The following CCDC7 variants were observed in gnomAD, a reference collection of about 807,000 sequenced individuals.
CCDC7 encodes the protein coiled-coil domain-containing protein 7.
A neutral mutation model predicts 196.9 loss-of-function variants in CCDC7; 183 were observed. That is an observed-to-expected ratio of 0.93 (90% CI 0.82 to 1.05). The LOEUF (loss-of-function observed/expected upper bound fraction) is 1.05. Among genes scored for constraint, CCDC7 ranks in the 50% least tolerant of loss-of-function variants. The pLI is 0.00. For missense variants in CCDC7, 1,540 were observed against 1,482.2 expected, an observed-to-expected ratio of 1.04 and a Z score of -0.64; for synonymous variants, 525 against 484.6, an observed-to-expected ratio of 1.08 and a Z score of -1.10.
chr10:32,840,870 A>G (rs1478405298), intron 33 of CCDC7, among the ~76,000 whole-genome samples: 1 of 152,070 alleles, frequency 6.6e-6, no homozygotes, highest in African/African-American at 2.4e-5. Flanking sequence ...AGTAAATGTG[A>G]TACACCACAT....
chr10:32,582,946 T>A, intron 16 of CCDC7, 88 bp from the exon 18 acceptor site: 1 of 748,502 alleles, frequency 1.3e-6, no homozygotes, highest in Non-Finnish European at 1.8e-6. Flanking sequence ...ACTTATTTAA[T>A]ATCCTTATAT....
At chr10:32,732,124 A>G (rs567383749) in intron 28 of CCDC7, among the ~76,000 whole-genome samples, 11 of 152,228 alleles carry the variant, frequency 7.2e-5, no homozygotes, top group Non-Finnish European at 1.6e-4. Context: ...GAGACTTCAC[A>G]GTAAAGTTTT....
rs564149140 is a variant in CCDC7 at position 32,602,517 on chromosome 10, C to A, written c.1801+18213C>A. Among the ~76,000 whole-genome samples the A allele has an allele frequency of 2.0e-5, 3 of 152,294 alleles. No individual in the cohort carries two copies. The East Asian group carries it at 5.8e-4, about 29-fold the overall frequency. On this transcript the variant is annotated intron_variant, in intron 18 of 41. Coordinates refer to ENST00000639629, the Ensembl canonical transcript of CCDC7. Reference sequence around the variant, plus strand: ...TGGAGCTTTCTATTCCACCATTTTTCTGACATCACTATGCCTATTAATATT... The same window carrying A: ...TGGAGCTTTCTATTCCACCATTTTTATGACATCACTATGCCTATTAATATT...
chr10:32,450,777 A>G (rs1238887192), upstream of CCDC7, among the ~76,000 whole-genome samples: 1 of 152,150 alleles, frequency 6.6e-6, no homozygotes, highest in Non-Finnish European at 1.5e-5. Flanking sequence ...AAGGACATAT[A>G]TTAGCTCAAA....
intron 8 of CCDC7, among the ~76,000 whole-genome samples, chr10:32,483,363 TTG>T (rs1184723940): frequency 6.6e-6 from 1 of 152,154 alleles, no homozygotes; most frequent in Non-Finnish European, 1.5e-5. Flanking sequence ...TCTTCTAAAT[TTG>T]TTTGAGTTCA....
chr10:32,678,834 T>A (rs2075418088), intron 21 of CCDC7, among the ~76,000 whole-genome samples: 1 of 152,210 alleles, frequency 6.6e-6, no homozygotes, highest in East Asian at 1.9e-4. Flanking sequence ...TTTGCCTTGT[T>A]TCTGTGTTCC....
At chr10:32,449,637 TTAGGGAAAG>T (rs1399639271), upstream of CCDC7, among the ~76,000 whole-genome samples, 2 of 152,154 alleles carry the variant, frequency 1.3e-5, no homozygotes, top group Non-Finnish European at 2.9e-5. Context: ...CTCCTGGAAG[TTAGGGAAAG>T]TATGTGGGTG....
rs948588005 is a variant in CCDC7 at position 32,500,336 on chromosome 10, G to A, written c.872+8339G>A. On this transcript the variant is annotated intron_variant, in intron 9 of 41. Transcript: ENST00000639629. ...GGGCTCCTCACTTCTCGGACGGGGC[G>A]GCCGGTCAGAGACGCTCCTCACCTC... is the stretch of plus-strand genomic sequence containing the variant. Among the ~76,000 whole-genome samples, 5 of 150,778 alleles carry A rather than the reference G, an allele frequency of 3.3e-5. No homozygotes were observed. The East Asian group carries it at 6.0e-4, about 18-fold the overall frequency.
At chr10:32,837,324 A>G (rs975261537) in intron 33 of CCDC7, among the ~76,000 whole-genome samples, 1 of 152,198 alleles carries the variant, frequency 6.6e-6, no homozygotes, top group Non-Finnish European at 1.5e-5. Flanking sequence ...ACATGAAAAA[A>G]TGCTCATCAT....
chr10:32,591,490 C>A (rs936713221), intron 18 of CCDC7, among the ~76,000 whole-genome samples: 1 of 149,724 alleles, frequency 6.7e-6, no homozygotes, highest in African/African-American at 2.4e-5. Context: ...TGTTAGTTTC[C>A]TTTTTGCTTG....
chr10:32,849,911 TTCTG>T (rs2093479057), intron 39 of CCDC7, among the ~76,000 whole-genome samples: 1 of 152,022 alleles, frequency 6.6e-6, no homozygotes. Context: ...GTGTCCCTGA[TTCTG>T]CAGGGGGGAA....
chr10:32,486,673 T>G (rs996097727), intron 8 of CCDC7, among the ~76,000 whole-genome samples: 2 of 86,610 alleles, frequency 2.3e-5, no homozygotes, highest in Non-Finnish European at 4.7e-5. Flanking sequence ...AGGAGCTCTT[T>G]TAGGGCAGGC....
intron 40 of CCDC7, among the ~76,000 whole-genome samples, chr10:32,853,775 T>C (rs960585562): frequency 2.6e-5 from 4 of 152,204 alleles, no homozygotes; most frequent in African/African-American, 7.2e-5. Flanking sequence ...GATGAAAACT[T>C]TATCTAAAAA....
chr10:32,602,928 C>A (rs1392422638), intron 18 of CCDC7, among the ~76,000 whole-genome samples: 2 of 152,084 alleles, frequency 1.3e-5, no homozygotes, highest in Non-Finnish European at 2.9e-5. Context: ...ATATTCATCA[C>A]CTCAAACATT....
chr10:32,485,989 G>A (rs1439506180), intron 8 of CCDC7, among the ~76,000 whole-genome samples: 1 of 152,210 alleles, frequency 6.6e-6, no homozygotes, highest in Non-Finnish European at 1.5e-5. Flanking sequence ...TTGGGGTGGA[G>A]AGTTCTGTAG....
intron 36 of CCDC7, 97 bp downstream of exon 37, chr10:32,846,056 C>A: frequency 1.1e-6 from 1 of 875,912 alleles, no homozygotes; most frequent in South Asian, 1.5e-5. Context: ...GTACCTGTAT[C>A]ATAGTACTTT....
chr10:32,734,481 T>C (rs1184780098), intron 28 of CCDC7, among the ~76,000 whole-genome samples: 1 of 152,098 alleles, frequency 6.6e-6, no homozygotes, highest in Non-Finnish European at 1.5e-5. Flanking sequence ...AAAAGGTAAC[T>C]ATTGGGTATT....
chr10:32,597,230 C>G (rs967028269), intron 18 of CCDC7, among the ~76,000 whole-genome samples: 1 of 152,140 alleles, frequency 6.6e-6, no homozygotes, highest in Non-Finnish European at 1.5e-5. Flanking sequence ...TTTCTTTTGA[C>G]TCTTTTTTTC....
rs191812717 is a variant in CCDC7 at position 32,585,889 on chromosome 10, G to A, written c.1801+1585G>A. On this transcript the variant is annotated intron_variant, in intron 18 of 41. Coordinates refer to ENST00000639629, the Ensembl canonical transcript of CCDC7. ...ATTTAGAATGCTTTGGGTATATACC[G>A]AGTAATGGGATTGCCGGGTCAAATG... 1.5e-4 allele frequency among the ~76,000 whole-genome samples: 23 copies of A among 152,178 alleles called. No homozygotes were observed. In the East Asian group the frequency reaches 2.7e-3, roughly 18 times the overall value.
Sources: gnomAD v4.1 joint callset for allele counts (sites outside exome capture counted in the v4.1 genomes callset) on GRCh38, gnomAD v4.1.1 for gene constraint, MANE v1.5 for transcripts, NCBI Gene and HGNC (gene_info 2026-07-23, HGNC 2026-07-21) for gene names.